Variants in NDUFB8 observed in about 807,000 individuals in gnomAD.
The protein encoded by NDUFB8 is NADH dehydrogenase [ubiquinone] 1 beta subcomplex subunit 8, mitochondrial.
In NDUFB8, 17 loss-of-function variants were observed where a neutral mutation model predicts 26.0. The observed-to-expected ratio is 0.65, with a 90% CI of 0.45 to 0.98. NDUFB8 has a LOEUF of 0.98. Among genes scored for constraint, NDUFB8 ranks in the 50% least tolerant of loss-of-function variants. The pLI, the probability that NDUFB8 is intolerant of heterozygous loss-of-function variation, is 0.00. For missense variants in NDUFB8, 238 were observed against 255.0 expected, an observed-to-expected ratio of 0.93 and a Z score of 0.45; for synonymous variants, 89 against 93.1, an observed-to-expected ratio of 0.96 and a Z score of 0.25.
Position 100,529,396 on chromosome 10 carries a change from G to A in NDUFB8, c.196C>T (p.Pro66Ser). The stretch of plus-strand genomic sequence containing the variant: ...CTGTCTCACCCCATGCCATCATCCG[G>A]GTAAGGTTCGTAGTCTTCCACACGC... ...NMRVEDYEPY[P>S]DDGMGYGDYP... The change falls in exon 2 of 5, where the codon CCG becomes TCG. Residue 66 changes from proline (P) to serine (S), a missense_variant. Transcript: ENST00000299166. 2 of 1,611,134 alleles carry A rather than the reference G, an allele frequency of 1.2e-6. No homozygotes were observed. Among genetic ancestry groups the A allele is most frequent in the Non-Finnish European group, 1.7e-6 (2 of 1,179,058 alleles).
Position 100,524,924 on chromosome 10 carries a change from T to G in NDUFB8, c.469-995A>C, listed in dbSNP as rs186792276. 2.2e-3 allele frequency among the ~76,000 whole-genome samples: 329 copies of G among 152,348 alleles called. 1 individual carries two copies. The highest frequency in any genetic ancestry group is 2.7e-3 in the Non-Finnish European group (185 of 68,040). On this transcript the variant is annotated intron_variant, in intron 4 of 4. Coordinates refer to ENST00000299166, the MANE Select transcript of NDUFB8 (RefSeq NM_005004.4). This position sits in a 1 kb window ranked among gnomAD's most constrained non-coding sequence, Gnocchi z 4.0. The stretch of plus-strand genomic sequence containing the variant: ...TGGTACATAGTACAGGCTCCATAAA[T>G]ATTTGTTCAATTAATGCTTTATTAC...
At chr10:100,526,632 G>A in intron 3 of NDUFB8, 78 bp from the exon 4 acceptor site, 2 of 1,524,164 alleles carry the variant, frequency 1.3e-6, no homozygotes, top group South Asian at 1.2e-5. Context: ...ATTAGAGCCT[G>A]ATACAAGGCT....
intron 4 of NDUFB8, among the ~76,000 whole-genome samples, chr10:100,525,203 C>T (rs529036100): frequency 2.0e-5 from 3 of 152,068 alleles, no homozygotes; most frequent in East Asian, 3.9e-4. Context: ...TATTTAGGAA[C>T]GATTCTATAC....
rs1282172290 is a variant in NDUFB8, at chr10:100,524,090, C to T, written c.469-161G>A. The T allele has an allele frequency of 6.3e-7, 1 of 1,577,426 alleles. No homozygotes were observed. ...AGGAACAGCACTCCTCTTCCTCACT[C>T]AGCCCAAGGCAGAGAGAAAGCCTAA... On this transcript the variant is annotated intron_variant, in intron 4 of 4. Coordinates refer to ENST00000299166, the MANE Select transcript of NDUFB8 (RefSeq NM_005004.4). The surrounding 1 kb of genome is among the most constrained non-coding windows in gnomAD (Gnocchi z 4.0).
At chr10:100,525,620 G>A (rs1180460026) in intron 4 of NDUFB8, among the ~76,000 whole-genome samples, 2 of 1,668 alleles carry the variant, frequency 1.2e-3, no homozygotes, top group South Asian at 0.036. Flanking sequence ...CAAAGCGTGT[G>A]TGTGTGTGTG....
At chr10:100,529,656 C>T (rs937849166) in intron 1 of NDUFB8, 111 bp downstream of exon 1, 9 of 1,535,532 alleles carry the variant, frequency 5.9e-6, no homozygotes, top group Non-Finnish European at 8.0e-6. Flanking sequence ...TCAACGCCAC[C>T]TCCACTCCCT....
At position 100,529,399 on chromosome 10, in the gene NDUFB8, A is replaced by G. The variant is rs548513373; in HGVS notation, c.193T>C (p.Tyr65His). The G allele has an allele frequency of 6.2e-7, 1 of 1,611,236 alleles. No homozygotes were observed. Among genetic ancestry groups the G allele is most frequent in the Non-Finnish European group, 8.5e-7 (1 of 1,179,070 alleles). The change falls in exon 2 of 5, where the codon TAC (tyrosine) becomes CAC (histidine). Residue 65 changes from tyrosine to histidine, a missense_variant. Physicochemically the swap from Tyr to His is moderately conservative, Grantham distance 83. Transcript: ENST00000299166. ...TCTCACCCCATGCCATCATCCGGGT[A>G]AGGTTCGTAGTCTTCCACACGCATA... ...YNMRVEDYEP[Y>H]PDDGMGYGDY... is the part of the protein sequence containing the mutation.
intron 3 of NDUFB8, 135 bp downstream of exon 3, chr10:100,526,840 A>ATC: frequency 1.2e-6 from 1 of 844,476 alleles, no homozygotes; most frequent in Non-Finnish European, 1.9e-6. Context: ...GCAATCTCAG[A>ATC]TCTCACATCA....
At chr10:100,529,722 C>T (rs780299084) in intron 1 of NDUFB8, 45 bp downstream of exon 1, 1 of 1,587,494 alleles carries the variant, frequency 6.3e-7, no homozygotes, top group Non-Finnish European at 8.6e-7. Flanking sequence ...CACCAAATTT[C>T]AGGTACCCCC....
chr10:100,526,043 G>C, intron 4 of NDUFB8: 1 of 188,618 alleles, frequency 5.3e-6, no homozygotes, highest in Non-Finnish European at 1.1e-5. Context: ...GTCCAACAAA[G>C]GATAAGATTT....
intron 4 of NDUFB8, among the ~76,000 whole-genome samples, chr10:100,525,403 C>T (rs943878064): frequency 1.2e-4 from 18 of 151,952 alleles, no homozygotes; most frequent in Non-Finnish European, 2.6e-4. Context: ...ATTACAGGCA[C>T]GCACCACCAT....
chr10:100,526,317 G>C, intron 4 of NDUFB8, 82 bp downstream of exon 4: 2 of 1,470,550 alleles, frequency 1.4e-6, no homozygotes, highest in South Asian at 2.9e-5. Flanking sequence ...GGTATTGACT[G>C]GATTCCTACC....
intron 1 of NDUFB8, 98 bp downstream of exon 1, chr10:100,529,669 C>T: frequency 1.3e-6 from 2 of 1,543,816 alleles, no homozygotes. Flanking sequence ...CACTCCCTAC[C>T]CGGAGGCTGC....
chr10:100,525,663 T>TG (rs1564657564), intron 4 of NDUFB8, among the ~76,000 whole-genome samples: 2 of 112,850 alleles, frequency 1.8e-5, no homozygotes, highest in Admixed American at 9.1e-5. Context: ...TGTGTGTGTG[T>TG]TAGCATCTAG....
At chr10:100,527,932 G>A (rs907028216) in intron 2 of NDUFB8, among the ~76,000 whole-genome samples, 11 of 152,044 alleles carry the variant, frequency 7.2e-5, no homozygotes, top group African/African-American at 2.2e-4. Context: ...CAATTCTCCC[G>A]CCTCAGCCTC....
In NDUFB8 at chr10:100,526,963, T is replaced by C. The variant is rs766722767; in HGVS notation, c.312+12A>G. 1 of 1,610,716 alleles carries C rather than the reference T, an allele frequency of 6.2e-7. No individual in the cohort carries two copies. The highest frequency in any genetic ancestry group is 1.7e-5 in the Admixed American group (1 of 60,006). On this transcript the variant is annotated intron_variant, in intron 3 of 4. Coordinates refer to ENST00000299166, the MANE Select transcript of NDUFB8 (RefSeq NM_005004.4). Reference sequence around the variant, plus strand: ...GAGAGAAGGAAGGTCAAATGAGATATGGTTCTCTTACCGGTTCACCCCAGT... The same window carrying C: ...GAGAGAAGGAAGGTCAAATGAGATACGGTTCTCTTACCGGTTCACCCCAGT...
intron 4 of NDUFB8, chr10:100,526,092 T>C: frequency 4.1e-6 from 1 of 243,810 alleles, no homozygotes; most frequent in South Asian, 8.3e-5. Context: ...AAAGATCACT[T>C]AATGAAATAT....
At chr10:100,525,241 T>C (rs1287011932) in intron 4 of NDUFB8, among the ~76,000 whole-genome samples, 1 of 151,406 alleles carries the variant, frequency 6.6e-6, no homozygotes, top group Non-Finnish European at 1.5e-5. Flanking sequence ...TAACTCACCC[T>C]CCTTTTCCTT....
At chr10:100,526,908 T>A in intron 3 of NDUFB8, 67 bp downstream of exon 3, 1 of 1,471,888 alleles carries the variant, frequency 6.8e-7, no homozygotes. Context: ...AGAAGTGCCA[T>A]CTGAGCTAAA....
Sources: allele counts gnomAD v4.1 joint callset (sites outside exome capture counted in the v4.1 genomes callset), GRCh38; gene constraint gnomAD v4.1.1; non-coding constraint Gnocchi (gnomAD v3.1); transcripts MANE v1.5; gene names NCBI Gene and HGNC (gene_info 2026-07-23, HGNC 2026-07-21).